Variants in CD36 observed in about 807,000 individuals in gnomAD.
The protein encoded by CD36 is platelet glycoprotein 4.
In CD36, 119 loss-of-function variants were observed where a neutral mutation model predicts 55.2. The ratio of observed to expected loss-of-function variants is 2.15; its 90% confidence interval spans 1.86 to 2.51. The LOEUF (loss-of-function observed/expected upper bound fraction) is 2.51, where lower values mean the gene tolerates loss of function less well. CD36 is among the 30% of genes most tolerant of loss of function. The pLI, the probability that CD36 is intolerant of heterozygous loss-of-function variation, is 0.00. For missense variants in CD36, 819 were observed against 555.5 expected (o/e 1.47, Z -4.77); for synonymous variants, 186 against 193.6 (o/e 0.96, Z 0.33).
intron 1 of CD36, among the ~76,000 whole-genome samples, chr7:80,645,571 G>A (rs1278103737): frequency 6.6e-6 from 1 of 151,966 alleles, no homozygotes; most frequent in Admixed American, 6.5e-5. Context: ...GGCAGAGGTT[G>A]CAGTGAGCCG....
rs1183304270 is a variant in CD36 at position 80,676,884 on chromosome 7, T to A, written c.*501T>A. 1.3e-5 allele frequency: 2 copies of A among 152,128 alleles called. No individual in the cohort carries two copies. The highest frequency in any genetic ancestry group is 6.6e-5 in the Admixed American group (1 of 15,256). The allele number at this position is 152,128 out of a possible 1,614,324, so 9.4% of individuals were successfully genotyped here. ...TTCTAGCATTAAGAGATGTAAATGA[T>A]AAAGGAATTATTGTATGAAATATTA... On this transcript the variant is annotated 3_prime_UTR_variant, in exon 15 of 15. Transcript: ENST00000447544.
chr7:80,667,168 C>G (rs953769534), intron 8 of CD36, among the ~76,000 whole-genome samples: 5 of 152,126 alleles, frequency 3.3e-5, no homozygotes, highest in African/African-American at 4.8e-5. Context: ...TGGCTCATGT[C>G]TATAATCCCA....
intron 6 of CD36, 55 bp from the exon 7 acceptor site, chr7:80,664,351 A>G (rs1796819651): frequency 2.2e-6 from 2 of 926,470 alleles, no homozygotes; most frequent in South Asian, 1.3e-5. Flanking sequence ...TATGTATTGT[A>G]CAACTTTGAA....
chr7:80,672,040 T>TGTAAGAAAACACCTTATTGATCTGA lies in CD36; in HGVS notation c.1125+1_1125+25dup. On this transcript the variant is annotated frameshift_variant and splice_region_variant. Transcript: ENST00000447544. LOFTEE classifies it high-confidence loss of function. ...ATAGGACATACTTGGATATTGAACCTGTAAGAAAACACCTTATTGATCTGA... is the reference window on the plus strand; with the variant it reads ...ATAGGACATACTTGGATATTGAACCTGTAAGAAAACACCTTATTGATCTGAGTAAGAAAACACCTTATTGATCTGA... The TGTAAGAAAACACCTTATTGATCTGA allele has an allele frequency of 6.2e-7, 1 of 1,603,984 alleles. No individual in the cohort carries two copies. Among genetic ancestry groups the TGTAAGAAAACACCTTATTGATCTGA allele is most frequent in the African/African-American group, 1.3e-5 (1 of 74,788 alleles).
chr7:80,633,341 A>G (rs1213020674), intron 1 of CD36: 2 of 152,060 alleles, frequency 1.3e-5, no homozygotes, highest in Non-Finnish European at 2.9e-5. Flanking sequence ...TGTTACAAGC[A>G]TGACTTCTAT....
In CD36 at chr7:80,679,033, A is replaced by G. The variant is rs1798250060; in HGVS notation, c.*2650A>G. On this transcript the variant is annotated 3_prime_UTR_variant, in exon 15 of 15. Coordinates refer to ENST00000447544, the MANE Select transcript of CD36 (RefSeq NM_001001548.3). Reference sequence around the variant, plus strand: ...ACCTGCCCCTTGTGGCCTGTCTACAATTCTAAATGGATTTTGAACTCAATG... The same window carrying G: ...ACCTGCCCCTTGTGGCCTGTCTACAGTTCTAAATGGATTTTGAACTCAATG... The G allele has an allele frequency of 1.3e-5, 2 of 152,238 alleles. No individual in the cohort carries two copies. The highest frequency in any genetic ancestry group is 2.4e-5 in the African/African-American group (1 of 41,542). The allele number at this position is 152,238 out of a possible 1,614,324, so 9.4% of individuals were successfully genotyped here.
intron 1 of CD36, among the ~76,000 whole-genome samples, chr7:80,641,586 T>C (rs1312186768): frequency 6.6e-6 from 1 of 152,080 alleles, no homozygotes; most frequent in Non-Finnish European, 1.5e-5. Context: ...TTTAGCAATC[T>C]ACTGATCAGT....
chr7:80,662,470 G>T, intron 5 of CD36: 1 of 261,316 alleles, frequency 3.8e-6, no homozygotes, highest in South Asian at 5.7e-5. Context: ...GTCACTGGCA[G>T]AGAGCCTCGT....
chr7:80,667,507 A>C (rs1185128453), intron 8 of CD36, among the ~76,000 whole-genome samples: 1 of 151,780 alleles, frequency 6.6e-6, no homozygotes, highest in East Asian at 1.9e-4. Flanking sequence ...GCTTTCAACT[A>C]CTAGGAAACA....
chr7:80,661,913 C>G (rs1796562260), intron 5 of CD36, among the ~76,000 whole-genome samples: 1 of 152,092 alleles, frequency 6.6e-6, no homozygotes, highest in Admixed American at 6.6e-5. Context: ...GTCTAGCTAT[C>G]CGCCAACAGG....
chr7:80,664,914 T>C (rs1796911118), intron 7 of CD36, among the ~76,000 whole-genome samples: 1 of 152,050 alleles, frequency 6.6e-6, no homozygotes, highest in Non-Finnish European at 1.5e-5. Flanking sequence ...TTTTTTACTT[T>C]TTAAATCGAG....
Position 80,669,979 on chromosome 7 carries a change from G to A in CD36, c.775G>A (p.Glu259Lys), listed in dbSNP as rs1000548077. 6.2e-7 allele frequency: 1 copy of A among 1,612,548 alleles called. No individual in the cohort carries two copies. Among genetic ancestry groups the A allele is most frequent in the Non-Finnish European group, 8.5e-7 (1 of 1,178,854 alleles). Residue 259 changes from glutamate (E) to lysine (K), a missense_variant, in exon 9 of 15, where the codon GAG becomes AAG. By Grantham distance (56) the Glu-to-Lys change is moderately conservative. Transcript: ENST00000447544. ...TDAASFPPFV[E>K]KSQVLQFFSS... ...TGCAGCCTCATTTCCACCTTTTGTT[G>A]AGAAAAGCCAGGTATTGCAGTTCTT...
At chr7:80,663,517 A>G (rs572644678) in intron 6 of CD36, among the ~76,000 whole-genome samples, 1 of 152,182 alleles carries the variant, frequency 6.6e-6, no homozygotes, top group African/African-American at 2.4e-5. Flanking sequence ...GTTTAATACC[A>G]TATTTTTATT....
chr7:80,603,807 A>C (rs185108481), intron 1 of CD36, among the ~76,000 whole-genome samples: 4 of 151,706 alleles, frequency 2.6e-5, no homozygotes, highest in African/African-American at 7.3e-5. Context: ...CTGCTGAGAA[A>C]TGATTGAAAA....
At chr7:80,627,024 C>T (rs576333982) in intron 1 of CD36, among the ~76,000 whole-genome samples, 20 of 151,994 alleles carry the variant, frequency 1.3e-4, no homozygotes, top group Non-Finnish European at 2.5e-4. Context: ...AGCATTCTCT[C>T]CTGAGACAGA....
intron 1 of CD36, among the ~76,000 whole-genome samples, chr7:80,629,515 C>T (rs1250221329): frequency 3.9e-5 from 6 of 151,970 alleles, no homozygotes; most frequent in South Asian, 4.1e-4. Context: ...GAGAAACTTT[C>T]GAATCTTTCC....
chr7:80,664,588 C>T (rs1389421964), intron 7 of CD36, 91 bp downstream of exon 7: 13 of 793,438 alleles, frequency 1.6e-5, no homozygotes, highest in Non-Finnish European at 2.3e-5. Context: ...ACATAGGCAT[C>T]AACCTATAGA....
At chr7:80,604,870 T>A (rs1225740146) in intron 1 of CD36, among the ~76,000 whole-genome samples, 1 of 152,182 alleles carries the variant, frequency 6.6e-6, no homozygotes, top group East Asian at 1.9e-4. Context: ...AGTCATGTCA[T>A]GTTTTACGAC....
chr7:80,664,943 C>T (rs1796914510), intron 7 of CD36, among the ~76,000 whole-genome samples: 1 of 151,376 alleles, frequency 6.6e-6, no homozygotes. Context: ...ATTCCATATT[C>T]CAGTGGCATG....
Sources: allele counts gnomAD v4.1 joint callset (sites outside exome capture counted in the v4.1 genomes callset), GRCh38; gene constraint gnomAD v4.1.1; transcripts MANE v1.5; gene names NCBI Gene and HGNC (gene_info 2026-07-23, HGNC 2026-07-21).